The following PCDHA3 variants were observed in gnomAD, a reference collection of about 807,000 sequenced individuals.
PCDHA3 encodes protocadherin alpha 3, also known as protocadherin alpha-3.
A neutral mutation model predicts 62.2 loss-of-function variants in PCDHA3; 41 were observed. The ratio of observed to expected loss-of-function variants is 0.66; its 90% CI spans 0.51 to 0.86. The LOEUF (loss-of-function observed/expected upper bound fraction) is 0.86, where lower values mean the gene tolerates loss of function less well. PCDHA3 is among the 40% of genes least tolerant of loss of function. The probability of loss-of-function intolerance (pLI) is 0.00; values close to 1 mark genes in which losing one functional copy is unlikely to be tolerated. For synonymous variants in PCDHA3, 640 were observed against 555.4 expected (o/e 1.15, Z -2.14); for missense variants, 1,304 against 1,241.2 (o/e 1.05, Z -0.76).
chr5:140,822,225 G>C, intron 1 of PCDHA3: 1 of 1,614,254 alleles, frequency 6.2e-7, no homozygotes, highest in Non-Finnish European at 8.5e-7. Context: ...CAGATTCGCG[G>C]TTTCCGCTAG....
Position 140,873,357 on chromosome 5 carries a change from G to T in PCDHA3, c.2394+69766G>T, listed in dbSNP as rs564914388. On this transcript the variant is annotated intron_variant, in intron 1 of 3. Coordinates refer to ENST00000522353, the MANE Select transcript of PCDHA3 (RefSeq NM_018906.3). ...TACTCATCTCCAGATGAAATTTTTG[G>T]AATAACTGAAGATCTTTTAAAGACT... Among the ~76,000 whole-genome samples the T allele has an allele frequency of 2.0e-5, 3 of 152,172 alleles. No individual in the cohort carries two copies. In the South Asian group the frequency reaches 6.2e-4, roughly 32 times the overall value.
At chr5:140,916,978 C>T (rs907014572) in intron 1 of PCDHA3, among the ~76,000 whole-genome samples, 13 of 152,270 alleles carry the variant, frequency 8.5e-5, no homozygotes, top group South Asian at 2.1e-4. Context: ...ATGAGTGATT[C>T]GCCTCTGGCC....
chr5:140,835,891 C>T lies in PCDHA3; in HGVS notation c.2394+32300C>T. The T allele has an allele frequency of 6.2e-7, 1 of 1,611,968 alleles. No homozygotes were observed. The highest frequency in any genetic ancestry group is 2.2e-5 in the East Asian group (1 of 44,826). ...GTGGAGCTGCGGGTGGGCGAGCGCG[C>T]GCTGTCGAGCTACGTGTCAGTGCAC... is the stretch of plus-strand genomic sequence containing the variant. On this transcript the variant is annotated intron_variant, in intron 1 of 3. Coordinates refer to ENST00000522353, the MANE Select transcript of PCDHA3 (RefSeq NM_018906.3).
chr5:140,834,202 A>G, intron 1 of PCDHA3: 6 of 612,742 alleles, frequency 9.8e-6, no homozygotes, highest in Non-Finnish European at 1.7e-5. Flanking sequence ...CTTTACCGCA[A>G]ATTCTTTCGT....
intron 1 of PCDHA3, chr5:140,871,442 A>C: frequency 6.2e-7 from 1 of 1,611,276 alleles, no homozygotes; most frequent in African/African-American, 1.3e-5. Flanking sequence ...CTAGGTCTGA[A>C]TAAAGAGGAG....
intron 1 of PCDHA3, chr5:140,883,589 G>C (rs782300348): frequency 6.2e-7 from 1 of 1,614,014 alleles, no homozygotes; most frequent in Non-Finnish European, 8.5e-7. Context: ...CACGGCCAGC[G>C]TGTCGGTGGG....
intron 1 of PCDHA3, chr5:140,805,613 G>C (rs1554123423): frequency 5.5e-6 from 5 of 911,990 alleles, no homozygotes; most frequent in Non-Finnish European, 5.2e-6. Flanking sequence ...ATTTCTTTAT[G>C]TAAGAAAATG....
chr5:140,822,759 A>G, intron 1 of PCDHA3: 2 of 1,614,030 alleles, frequency 1.2e-6, no homozygotes, highest in Non-Finnish European at 1.7e-6. Context: ...GTACATTCCC[A>G]TTATCAGGAC....
intron 1 of PCDHA3, chr5:140,884,293 GC>G: frequency 6.2e-7 from 1 of 1,613,666 alleles, no homozygotes; most frequent in Non-Finnish European, 8.5e-7. Flanking sequence ...GCGGCCAAGC[GC>G]CACAGGCTTC....
chr5:140,868,759 T>G, intron 1 of PCDHA3: 1 of 230,962 alleles, frequency 4.3e-6, no homozygotes, highest in Non-Finnish European at 8.5e-6. Context: ...TCCATATATA[T>G]TTAGTTTCAA....
At chr5:140,882,164 C>A in intron 1 of PCDHA3, 1 of 1,509,950 alleles carries the variant, frequency 6.6e-7, no homozygotes, top group Non-Finnish European at 8.9e-7. Flanking sequence ...ATACCTCTTG[C>A]GAATCCTTCC....
chr5:140,826,838 C>T (rs1769075989), intron 1 of PCDHA3, among the ~76,000 whole-genome samples: 1 of 152,062 alleles, frequency 6.6e-6, no homozygotes, highest in Admixed American at 6.5e-5. Context: ...AGAAGTTTCT[C>T]AAGTGTCTTG....
intron 1 of PCDHA3, among the ~76,000 whole-genome samples, chr5:140,920,557 G>A (rs1554199669): frequency 6.6e-6 from 1 of 152,158 alleles, no homozygotes; most frequent in African/African-American, 2.4e-5. Flanking sequence ...TCGAAGTGTG[G>A]CCCTTAGGCC....
At chr5:140,837,468 A>G (rs1775065496) in intron 1 of PCDHA3, among the ~76,000 whole-genome samples, 1 of 151,630 alleles carries the variant, frequency 6.6e-6, no homozygotes, top group African/African-American at 2.4e-5. Context: ...TTGCCTCCTC[A>G]AACCCCAAAC....
intron 1 of PCDHA3, chr5:140,836,781 T>C: frequency 6.7e-7 from 1 of 1,482,902 alleles, no homozygotes; most frequent in South Asian, 1.3e-5. Flanking sequence ...TTAAAACAAT[T>C]AGTTCAATTG....
chr5:140,905,652 T>A (rs1554192111), intron 1 of PCDHA3, among the ~76,000 whole-genome samples: 1 of 152,240 alleles, frequency 6.6e-6, no homozygotes, highest in East Asian at 1.9e-4. Flanking sequence ...CAGTATTGAT[T>A]CCTGTCATCC....
chr5:140,980,216 G>A (rs1554241518), intron 2 of PCDHA3, among the ~76,000 whole-genome samples: 1 of 152,190 alleles, frequency 6.6e-6, no homozygotes, highest in African/African-American at 2.4e-5. Flanking sequence ...GCTTTTGCCT[G>A]CATCTGAGCT....
At chr5:140,842,910 T>C (rs1778388313) in intron 1 of PCDHA3, 1 of 1,594,510 alleles carries the variant, frequency 6.3e-7, no homozygotes, top group Non-Finnish European at 8.6e-7. Context: ...GAGCTAGAGC[T>C]GCTGCAGTTC....
In PCDHA3 at chr5:140,803,013, T is replaced by G; in HGVS notation, c.1816T>G (p.Trp606Gly). The change falls in exon 1 of 4, where the codon TGG (tryptophan) becomes GGG (glycine). Residue 606 changes from tryptophan (W) to glycine (G), a missense_variant. Physicochemically the swap from Trp to Gly is radical, Grantham distance 184. Coordinates refer to ENST00000522353, the MANE Select transcript of PCDHA3 (RefSeq NM_018906.3). Reference sequence around the variant, plus strand: ...GGATGCAGACTCAGGCTACAACGCGTGGCTTTCGTATGAGCTGCAGCCTGG... The same window carrying G: ...GGATGCAGACTCAGGCTACAACGCGGGGCTTTCGTATGAGCTGCAGCCTGG... ...AVDADSGYNA[W>G]LSYELQPGTG... 6.2e-7 allele frequency: 1 copy of G among 1,614,030 alleles called. No homozygotes were observed. Among genetic ancestry groups the G allele is most frequent in the Non-Finnish European group, 8.5e-7 (1 of 1,179,930 alleles).
Sources: allele counts gnomAD v4.1 joint callset (sites outside exome capture counted in the v4.1 genomes callset), GRCh38; gene constraint gnomAD v4.1.1; transcripts MANE v1.5; gene names NCBI Gene and HGNC (gene_info 2026-07-23, HGNC 2026-07-21).